PID1: variants seen among roughly 807,000 people sequenced by gnomAD.
PID1 encodes the protein phosphotyrosine interaction domain containing 1.
A neutral mutation model predicts 19.1 loss-of-function variants in PID1; 10 were observed. The observed-to-expected ratio is 0.52, with a 90% confidence interval of 0.32 to 0.89. The LOEUF is 0.89. Among genes scored for constraint, PID1 ranks in the 40% least tolerant of loss-of-function variants. The probability of loss-of-function intolerance (pLI) is 0.03; values close to 1 mark genes in which losing one functional copy is unlikely to be tolerated. For missense variants in PID1, 248 were observed against 285.3 expected, an observed-to-expected ratio of 0.87 and a Z score of 0.94; for synonymous variants, 130 against 116.0, an observed-to-expected ratio of 1.12 and a Z score of -0.78.
At chr2:229,269,661 C>T (rs1690683527) in intron 1 of PID1, among the ~76,000 whole-genome samples, 3 of 152,202 alleles carry the variant, frequency 2.0e-5, no homozygotes, top group South Asian at 4.1e-4. Flanking sequence ...GTATCTGGTG[C>T]CACTGCCAAA....
chr2:229,244,830 G>A (rs976956232), intron 1 of PID1: 5 of 152,040 alleles, frequency 3.3e-5, no homozygotes, highest in Admixed American at 1.3e-4. Context: ...CCATCAGAAG[G>A]TTCCTACAAA....
chr2:229,131,162 C>T (rs1035085662), intron 2 of PID1, among the ~76,000 whole-genome samples: 3 of 152,154 alleles, frequency 2.0e-5, no homozygotes, highest in Non-Finnish European at 4.4e-5. Flanking sequence ...CAGCCTATAA[C>T]ATCGGAGCAT....
chr2:229,265,992 C>T (rs919984651), intron 1 of PID1, among the ~76,000 whole-genome samples: 10 of 152,132 alleles, frequency 6.6e-5, no homozygotes, highest in Admixed American at 4.6e-4. Context: ...TTGCAAATCG[C>T]TTGAAAGAGA....
At chr2:229,145,232 T>A (rs1188581745) in intron 2 of PID1, among the ~76,000 whole-genome samples, 1 of 148,856 alleles carries the variant, frequency 6.7e-6, no homozygotes, top group African/African-American at 2.5e-5. Flanking sequence ...TATATTTAAG[T>A]ATCATATTTG....
chr2:229,047,469 A>G (rs1178799005), intron 2 of PID1, among the ~76,000 whole-genome samples: 1 of 152,214 alleles, frequency 6.6e-6, no homozygotes, highest in Non-Finnish European at 1.5e-5. Context: ...AAAACAAAGG[A>G]ATAAAAACAA....
rs2106224395 is a variant in PID1 at position 229,184,855 on chromosome 2, T to C, written c.31-28891A>G. On this transcript the variant is annotated intron_variant, in intron 1 of 2. Transcript: ENST00000392055. Reference sequence around the variant, plus strand: ...CCCGTATATATATATCCCGTATATATATCCCGTATATATCCCATATTGTAT... The same window carrying C: ...CCCGTATATATATATCCCGTATATACATCCCGTATATATCCCATATTGTAT... Among the ~76,000 whole-genome samples, 2 of 131,636 alleles carry C rather than the reference T, an allele frequency of 1.5e-5. 1 individual carries two copies. Among genetic ancestry groups the C allele is most frequent in the Admixed American group, 1.7e-4 (2 of 11,954 alleles). 86.4% of individuals were successfully genotyped at this position (131,636 alleles called of 152,430 possible).
At chr2:229,246,035 A>G (rs2106280007) in intron 1 of PID1, among the ~76,000 whole-genome samples, 1 of 152,298 alleles carries the variant, frequency 6.6e-6, no homozygotes, top group East Asian at 1.9e-4. Flanking sequence ...AACAAATAAG[A>G]GTTATTTCTT....
At chr2:229,268,163 G>A (rs1421966001) in intron 1 of PID1, among the ~76,000 whole-genome samples, 3 of 152,206 alleles carry the variant, frequency 2.0e-5, no homozygotes, top group South Asian at 4.1e-4. Flanking sequence ...ATTACCCAGC[G>A]CAGCTCTGCT....
At chr2:229,176,674 C>T (rs563076479) in intron 1 of PID1, among the ~76,000 whole-genome samples, 2 of 152,250 alleles carry the variant, frequency 1.3e-5, no homozygotes, top group Non-Finnish European at 2.9e-5. Context: ...TGTATAAGCC[C>T]TATGCTCCCA....
chr2:229,072,944 G>C (rs547181554), intron 2 of PID1, among the ~76,000 whole-genome samples: 1 of 152,222 alleles, frequency 6.6e-6, no homozygotes, highest in African/African-American at 2.4e-5. Context: ...GTTATAAGAT[G>C]AACAAACCTA....
chr2:229,080,029 A>T (rs1694639078), intron 2 of PID1, among the ~76,000 whole-genome samples: 1 of 151,976 alleles, frequency 6.6e-6, no homozygotes, highest in Non-Finnish European at 1.5e-5. Flanking sequence ...GCAACAGGGG[A>T]GGGGACAGGT....
At chr2:229,232,592 C>T (rs1412157262) in intron 1 of PID1, among the ~76,000 whole-genome samples, 11 of 151,272 alleles carry the variant, frequency 7.3e-5, no homozygotes, top group Middle Eastern at 7.1e-3. Context: ...TGTCACCTAA[C>T]GTTCCTCTCC....
At chr2:229,228,018 G>A in intron 1 of PID1, 1 of 455,948 alleles carries the variant, frequency 2.2e-6, no homozygotes, top group South Asian at 1.5e-5. Flanking sequence ...ATTCCCCAGG[G>A]ATACTGAGGG....
At chr2:229,205,105 A>T (rs1300524002) in intron 1 of PID1, among the ~76,000 whole-genome samples, 1 of 152,176 alleles carries the variant, frequency 6.6e-6, no homozygotes, top group Non-Finnish European at 1.5e-5. Flanking sequence ...GAAAGTCAAC[A>T]TCATCCTTCC....
rs563988173 is a variant in PID1, at chr2:229,144,598, A to G, written c.177+11220T>C. On this transcript the variant is annotated intron_variant, in intron 2 of 2. Transcript: ENST00000392055. ...GTTCACTAAACTTTCAGAAGTAACT[A>G]TACTAGCAAAACGGAGGAAAGAGAG... is the stretch of plus-strand genomic sequence containing the variant. Among the ~76,000 whole-genome samples, 25 of 152,296 alleles carry G rather than the reference A, an allele frequency of 1.6e-4. 1 individual carries two copies. The South Asian group carries it at 5.2e-3, about 32-fold the overall frequency.
At chr2:229,065,272 G>C (rs1002543902) in intron 2 of PID1, among the ~76,000 whole-genome samples, 1 of 152,116 alleles carries the variant, frequency 6.6e-6, no homozygotes, top group Non-Finnish European at 1.5e-5. Flanking sequence ...ATACTGTTAA[G>C]TTCTAGTCTA....
At chr2:229,158,948 G>A (rs189221884) in intron 1 of PID1, among the ~76,000 whole-genome samples, 4 of 152,024 alleles carry the variant, frequency 2.6e-5, no homozygotes, top group African/African-American at 7.3e-5. Context: ...GGGGGGAGCT[G>A]TGGGGGAAGG....
At chr2:229,054,410 G>A (rs1694053790) in intron 2 of PID1, among the ~76,000 whole-genome samples, 1 of 152,098 alleles carries the variant, frequency 6.6e-6, no homozygotes, top group African/African-American at 2.4e-5. Flanking sequence ...CCAGATGACT[G>A]GGAAGACTTT....
At position 229,050,078 on chromosome 2, in the gene PID1, T is replaced by G. The variant is rs192514596; in HGVS notation, c.178-23970A>C. Among the ~76,000 whole-genome samples the G allele has an allele frequency of 4.5e-3, 689 of 152,292 alleles. 6 individuals carry two copies. Among genetic ancestry groups the G allele is most frequent in the Middle Eastern group, 0.037 (11 of 294 alleles). On this transcript the variant is annotated intron_variant, in intron 2 of 2. Coordinates refer to ENST00000392055, the MANE Select transcript of PID1 (RefSeq NM_001100818.2). ...AAATGTCCAAATAATAAGTCATTTG[T>G]CTGTAGAACTTTTCCTAAATGACAG...
Sources: allele counts gnomAD v4.1 joint callset (sites outside exome capture counted in the v4.1 genomes callset), GRCh38; gene constraint gnomAD v4.1.1; transcripts MANE v1.5; gene names NCBI Gene and HGNC (gene_info 2026-07-23, HGNC 2026-07-21).